LOC400499: variants seen among roughly 807,000 people sequenced by gnomAD.
At chr16:11,471,755 A>G in the LOC400499 span, 3 of 399,228 alleles carry the variant, frequency 7.5e-6, no homozygotes, top group Non-Finnish European at 1.3e-5. Context: ...GAGAGCAGGT[A>G]GGGCTGGCCA....
the LOC400499 span, among the ~76,000 whole-genome samples, chr16:11,429,681 C>T: frequency 6.6e-6 from 1 of 152,064 alleles, no homozygotes; most frequent in Non-Finnish European, 1.5e-5. Context: ...ACCATGTTGG[C>T]CAGGCTGGTC....
chr16:11,509,989 T>G, the LOC400499 span, among the ~76,000 whole-genome samples: 1 of 151,522 alleles, frequency 6.6e-6, no homozygotes, highest in Admixed American at 6.6e-5. Context: ...TGTCCTTTTG[T>G]ACCATGTCAC....
At chr16:11,453,911 A>C in the LOC400499 span, among the ~76,000 whole-genome samples, 3 of 152,228 alleles carry the variant, frequency 2.0e-5, no homozygotes, top group Admixed American at 2.0e-4. Flanking sequence ...GGAATTTCAG[A>C]ACAAAGAAAG....
At chr16:11,403,584 G>A in the LOC400499 span, among the ~76,000 whole-genome samples, 2 of 152,186 alleles carry the variant, frequency 1.3e-5, no homozygotes, top group South Asian at 2.1e-4. Context: ...CAAATGTGAC[G>A]CTGGGAGGAT....
chr16:11,514,968 C>T, the LOC400499 span, among the ~76,000 whole-genome samples: 1 of 152,052 alleles, frequency 6.6e-6, no homozygotes, highest in Non-Finnish European at 1.5e-5. Context: ...AAGCACTTGC[C>T]TCTTCAGGGA....
At chr16:11,385,228 G>A in the LOC400499 span, 2 of 1,232,202 alleles carry the variant, frequency 1.6e-6, no homozygotes, top group Non-Finnish European at 2.0e-6. Context: ...CTGGGGTAGA[G>A]GATGAGGGTC....
the LOC400499 span, chr16:11,440,928 G>C: frequency 1.3e-5 from 5 of 398,958 alleles, no homozygotes; most frequent in Non-Finnish European, 2.2e-5. Flanking sequence ...GCCCAATCTG[G>C]GGACCCATAC....
the LOC400499 span, among the ~76,000 whole-genome samples, chr16:11,494,398 G>T: frequency 4.6e-5 from 7 of 150,710 alleles, no homozygotes; most frequent in Non-Finnish European, 1.0e-4. Context: ...GCAGTGGCGT[G>T]GGGGGGCAGG....
chr16:11,456,863 C>G, the LOC400499 span: 1 of 1,536,254 alleles, frequency 6.5e-7, no homozygotes, highest in Non-Finnish European at 8.7e-7. Context: ...ACTCACCTTC[C>G]CACTTCCACA....
the LOC400499 span, among the ~76,000 whole-genome samples, chr16:11,522,430 T>G: frequency 6.6e-6 from 1 of 152,202 alleles, no homozygotes; most frequent in African/African-American, 2.4e-5. Context: ...AGGGCTGTCC[T>G]CTGTGTTGTC....
the LOC400499 span, among the ~76,000 whole-genome samples, chr16:11,408,946 G>A: frequency 6.6e-6 from 1 of 151,930 alleles, no homozygotes; most frequent in Non-Finnish European, 1.5e-5. Flanking sequence ...CAATTTTTTA[G>A]TGTCTAAAAA....
chr16:11,518,026 G>C, the LOC400499 span, among the ~76,000 whole-genome samples: 2 of 152,164 alleles, frequency 1.3e-5, no homozygotes, highest in Non-Finnish European at 2.9e-5. Context: ...CTCAGGCCTT[G>C]ATGGAGAGAA....
the LOC400499 span, chr16:11,459,922 GC>G: frequency 6.7e-7 from 1 of 1,482,400 alleles, no homozygotes; most frequent in African/African-American, 1.4e-5. Flanking sequence ...CTCAGGGCGG[GC>G]CCCGAGTCAT....
chr16:11,425,254 G>C, the LOC400499 span: 1 of 398,926 alleles, frequency 2.5e-6, no homozygotes, highest in African/African-American at 2.1e-5. Flanking sequence ...TGGGCCCTCA[G>C]GTTCCTCGTC....
the LOC400499 span, among the ~76,000 whole-genome samples, chr16:11,394,562 G>T: frequency 5.9e-5 from 9 of 152,252 alleles, no homozygotes; most frequent in Non-Finnish European, 1.2e-4. Context: ...CCTCAGATAG[G>T]TTGAAGCCCT....
At chr16:11,462,197 T>C in the LOC400499 span, 2 of 1,534,694 alleles carry the variant, frequency 1.3e-6, no homozygotes, top group African/African-American at 2.7e-5. Context: ...CCGTGTGAGG[T>C]TCCCGGTGAA....
the LOC400499 span, chr16:11,384,057 C>G: frequency 8.1e-7 from 1 of 1,231,406 alleles, no homozygotes; most frequent in African/African-American, 1.6e-5. Flanking sequence ...CCATGTGGCT[C>G]CCCCGCGTAC....
the LOC400499 span, among the ~76,000 whole-genome samples, chr16:11,477,243 G>A: frequency 2.6e-5 from 4 of 152,338 alleles, no homozygotes. Context: ...CCCAGCCCAG[G>A]CTCTTCACGC....
chr16:11,385,118 G>C, the LOC400499 span: 11 of 1,231,190 alleles, frequency 8.9e-6, no homozygotes, highest in Admixed American at 4.2e-4. Flanking sequence ...CAGGTGACAA[G>C]CTTGAAAGTG....
Sources: gnomAD v4.1 joint callset for allele counts (sites outside exome capture counted in the v4.1 genomes callset) on GRCh38, gnomAD v4.1.1 for gene constraint, MANE v1.5 for transcripts.